The following EYS variants were observed in gnomAD, a reference collection of about 807,000 sequenced individuals.
EYS encodes protein eyes shut homolog.
A neutral mutation model predicts 282.1 loss-of-function variants in EYS; 250 were observed. The observed-to-expected ratio is 0.89, with a 90% confidence interval of 0.80 to 0.98. The LOEUF (loss-of-function observed/expected upper bound fraction) is 0.98. Among genes scored for constraint, EYS ranks in the 50% least tolerant of loss-of-function variants. The probability of loss-of-function intolerance (pLI) is 0.00; values close to 1 mark genes in which losing one functional copy is unlikely to be tolerated. For missense variants in EYS, 4,016 were observed against 3,709.0 expected (o/e 1.08, Z -2.15); for synonymous variants, 1,355 against 1,282.9 (o/e 1.06, Z -1.20).
intron 29 of EYS, among the ~76,000 whole-genome samples, chr6:64,350,834 G>T (rs953971626): frequency 4.0e-5 from 6 of 151,526 alleles, no homozygotes; most frequent in Non-Finnish European, 8.9e-5. Context: ...TGTTGTGGGA[G>T]GGACCTCGTG....
chr6:64,632,348 T>C lies in EYS; in HGVS notation c.3444-6103A>G, dbSNP rs188115709. On this transcript the variant is annotated intron_variant, in intron 22 of 42. Transcript: ENST00000503581. Reference sequence around the variant, plus strand: ...TATATCTCTGTGAATAGTACTCTATTAGTAACTGATCATACTTAATCATGA... The same window carrying C: ...TATATCTCTGTGAATAGTACTCTATCAGTAACTGATCATACTTAATCATGA... Among the ~76,000 whole-genome samples the C allele has an allele frequency of 5.3e-5, 8 of 152,284 alleles. No individual in the cohort carries two copies. In the East Asian group the frequency reaches 1.5e-3, roughly 29 times the overall value.
chr6:64,493,111 A>C (rs973944785), intron 26 of EYS, among the ~76,000 whole-genome samples: 1 of 151,448 alleles, frequency 6.6e-6, no homozygotes, highest in African/African-American at 2.4e-5. Context: ...AGCATTGAGG[A>C]AAAAAAGTAG....
intron 32 of EYS, among the ~76,000 whole-genome samples, chr6:64,068,115 ACAAGAG>A (rs1297121469): frequency 6.6e-6 from 1 of 152,182 alleles, no homozygotes; most frequent in East Asian, 1.9e-4. Context: ...CCAGCAGCAT[ACAAGAG>A]TTCCAGCTGA....
intron 26 of EYS, among the ~76,000 whole-genome samples, chr6:64,567,921 C>T (rs1266133793): frequency 1.3e-5 from 2 of 152,172 alleles, no homozygotes; most frequent in Admixed American, 6.5e-5. Flanking sequence ...CTAGAAATGA[C>T]AGTGAACTCT....
intron 22 of EYS, among the ~76,000 whole-genome samples, chr6:64,699,669 A>T (rs1770712681): frequency 6.6e-6 from 1 of 152,034 alleles, no homozygotes; most frequent in South Asian, 2.1e-4. Flanking sequence ...TCCTGAATAG[A>T]TCAATAACAA....
chr6:64,956,743 A>G (rs1769717056), intron 14 of EYS, among the ~76,000 whole-genome samples: 1 of 152,196 alleles, frequency 6.6e-6, no homozygotes, highest in Admixed American at 6.5e-5. Context: ...ATAGGAAAAA[A>G]ACTCTAATAA....
At chr6:64,951,803 C>A (rs1406351816) in intron 14 of EYS, among the ~76,000 whole-genome samples, 1 of 151,502 alleles carries the variant, frequency 6.6e-6, no homozygotes, top group Non-Finnish European at 1.5e-5. Flanking sequence ...AAGGATATAA[C>A]AGTCATAAAA....
At chr6:64,603,411 A>T (rs1414508374) in intron 24 of EYS, among the ~76,000 whole-genome samples, 1 of 151,986 alleles carries the variant, frequency 6.6e-6, no homozygotes, top group Non-Finnish European at 1.5e-5. Flanking sequence ...AGAGATCAGG[A>T]GACCCCAAAG....
At chr6:63,864,013 T>A (rs1247109009) in intron 36 of EYS, among the ~76,000 whole-genome samples, 173 bp downstream of exon 36, 3 of 152,190 alleles carry the variant, frequency 2.0e-5, no homozygotes, top group Admixed American at 1.3e-4. Flanking sequence ...GAGAAGTACC[T>A]GCTTGGTGAT....
Position 64,222,478 on chromosome 6 carries a change from G to T in EYS, c.6424+8114C>A, listed in dbSNP as rs114750187. On this transcript the variant is annotated intron_variant, in intron 31 of 42. Transcript: ENST00000503581. ...ACATTAGCCCTTGTTTTTACTGTTGGTCTGTTTTCATATCATCCAAATTTA... is the reference window on the plus strand; with the variant it reads ...ACATTAGCCCTTGTTTTTACTGTTGTTCTGTTTTCATATCATCCAAATTTA... 4.1e-3 allele frequency among the ~76,000 whole-genome samples: 624 copies of T among 151,970 alleles called. 8 individuals carry two copies. The highest frequency in any genetic ancestry group is 0.014 in the African/African-American group (596 of 41,500).
At chr6:64,457,786 AT>A (rs34428442) in intron 26 of EYS, among the ~76,000 whole-genome samples, 26,226 of 128,482 alleles carry the variant, frequency 0.2, 3,055 homozygotes, top group African/African-American at 0.46. Flanking sequence ...TAGTTGGGTC[AT>A]TTTTTTTCCC....
chr6:65,288,150 T>C (rs757195633), intron 12 of EYS, among the ~76,000 whole-genome samples: 11 of 151,172 alleles, frequency 7.3e-5, no homozygotes, highest in Non-Finnish European at 1.5e-4. Flanking sequence ...TAGCCCTCTT[T>C]CTATTTCCTG....
At chr6:64,746,802 T>A (rs2149965837) in intron 22 of EYS, among the ~76,000 whole-genome samples, 1 of 152,364 alleles carries the variant, frequency 6.6e-6, no homozygotes, top group African/African-American at 2.4e-5. Context: ...ATACTCAAAA[T>A]CCTCCTGTAG....
At chr6:64,070,299 A>G (rs532467026) in intron 32 of EYS, among the ~76,000 whole-genome samples, 2 of 152,242 alleles carry the variant, frequency 1.3e-5, no homozygotes, top group South Asian at 4.1e-4. Context: ...TTTGAAAAAT[A>G]TTGGTTCAGA....
At position 64,404,914 on chromosome 6, in the gene EYS, T is replaced by C. The variant is rs373775775; in HGVS notation, c.5928-16074A>G. Among the ~76,000 whole-genome samples the C allele has an allele frequency of 1.2e-4, 19 of 152,232 alleles. No homozygotes were observed. In the East Asian group the frequency reaches 2.7e-3, roughly 22 times the overall value. ...CAGAATCATACCATGTGTGGGAACA[T>C]TGATGGGGAAAATGGGATTAGAGAA... On this transcript the variant is annotated intron_variant, in intron 28 of 42. Coordinates refer to ENST00000503581, the MANE Select transcript of EYS (RefSeq NM_001142800.2).
At chr6:65,491,252 C>T (rs1766031136) in intron 4 of EYS, 1 of 174,272 alleles carries the variant, frequency 5.7e-6, no homozygotes, top group South Asian at 1.2e-4. Flanking sequence ...CTATTGTGGT[C>T]CCACTATATC....
chr6:65,362,268 G>C (rs1031135143), intron 8 of EYS, among the ~76,000 whole-genome samples: 14 of 151,986 alleles, frequency 9.2e-5, no homozygotes, highest in Non-Finnish European at 2.1e-4. Context: ...TAAAGTAAAA[G>C]AATGAAATTG....
chr6:63,764,052 A>T (rs1302136188), intron 40 of EYS, among the ~76,000 whole-genome samples: 1 of 150,070 alleles, frequency 6.7e-6, no homozygotes, highest in African/African-American at 2.5e-5. Flanking sequence ...TTCTGAAAAC[A>T]CTACACTAAA....
rs148162945 is a variant in EYS at position 65,423,153 on chromosome 6, T to G, written c.863-17786A>C. 7.8e-3 allele frequency among the ~76,000 whole-genome samples: 1,188 copies of G among 151,866 alleles called. 21 individuals carry two copies. The highest frequency in any genetic ancestry group is 0.027 in the African/African-American group (1,135 of 41,478). On this transcript the variant is annotated intron_variant, in intron 5 of 42. Coordinates refer to ENST00000503581, the MANE Select transcript of EYS (RefSeq NM_001142800.2). Reference sequence around the variant, plus strand: ...AAATGAGGGAAAACAAAACTAAAATTTAAAAATTCAGATTGGTTTTTATCG... The same window carrying G: ...AAATGAGGGAAAACAAAACTAAAATGTAAAAATTCAGATTGGTTTTTATCG...
Sources: allele counts gnomAD v4.1 joint callset (sites outside exome capture counted in the v4.1 genomes callset), GRCh38; gene constraint gnomAD v4.1.1; transcripts MANE v1.5; gene names NCBI Gene and HGNC (gene_info 2026-07-23, HGNC 2026-07-21).